The following LRBA variants were observed in gnomAD, a reference collection of about 807,000 sequenced individuals.
LRBA encodes lipopolysaccharide-responsive and beige-like anchor protein.
LRBA carries 176 observed loss-of-function variants against 330.0 expected under a neutral mutation model. The observed-to-expected ratio is 0.53, with a 90% confidence interval of 0.47 to 0.60. LRBA has a LOEUF of 0.60. Among genes scored for constraint, LRBA ranks in the 20% least tolerant of loss-of-function variants. The pLI is 0.00. For synonymous variants in LRBA, 1,230 were observed against 1,193.0 expected (o/e 1.03, Z -0.64); for missense variants, 3,259 against 3,444.8 (o/e 0.95, Z 1.35).
At chr4:150,668,283 G>A (rs1781741419) in intron 37 of LRBA, among the ~76,000 whole-genome samples, 1 of 152,304 alleles carries the variant, frequency 6.6e-6, no homozygotes, top group South Asian at 2.1e-4. Context: ...TGATGCCAAA[G>A]TAAACTATTC....
chr4:150,697,400 G>C (rs1307664050), intron 36 of LRBA, among the ~76,000 whole-genome samples: 1 of 136,698 alleles, frequency 7.3e-6, no homozygotes, highest in African/African-American at 2.7e-5. Context: ...TGTTCACCAA[G>C]AAGAAAGGGA....
At chr4:150,436,500 C>G (rs1345980210) in intron 45 of LRBA, among the ~76,000 whole-genome samples, 1 of 151,990 alleles carries the variant, frequency 6.6e-6, no homozygotes, top group Non-Finnish European at 1.5e-5. Context: ...AGACAGCAAG[C>G]ATCTGAAGGG....
chr4:150,422,684 A>G, intron 46 of LRBA: 1 of 694,450 alleles, frequency 1.4e-6, no homozygotes, highest in Admixed American at 2.1e-5. Context: ...CTAACAACTG[A>G]GACTGGCACT....
intron 28 of LRBA, among the ~76,000 whole-genome samples, chr4:150,835,276 T>C (rs142889162): frequency 1.9e-4 from 29 of 152,302 alleles, no homozygotes; most frequent in African/African-American, 6.7e-4. Flanking sequence ...TAAGATTACA[T>C]TGGAAATGCA....
At chr4:150,621,662 T>C (rs918157144) in intron 37 of LRBA, among the ~76,000 whole-genome samples, 3 of 152,212 alleles carry the variant, frequency 2.0e-5, no homozygotes, top group Non-Finnish European at 2.9e-5. Flanking sequence ...AAAAAATATA[T>C]TTCATTTTTA....
chr4:150,287,750 AC>A (rs1431307225), intron 53 of LRBA, among the ~76,000 whole-genome samples: 1 of 152,188 alleles, frequency 6.6e-6, no homozygotes, highest in Non-Finnish European at 1.5e-5. Flanking sequence ...AAAATAACAT[AC>A]AAAGAGGCAA....
intron 2 of LRBA, among the ~76,000 whole-genome samples, chr4:151,000,883 C>T (rs1035540261): frequency 2.6e-5 from 4 of 152,248 alleles, no homozygotes; most frequent in Admixed American, 6.5e-5. Context: ...ACAAGACAGC[C>T]TGCTCGGCTG....
chr4:150,639,131 C>A (rs1457966362), intron 37 of LRBA, among the ~76,000 whole-genome samples: 1 of 146,520 alleles, frequency 6.8e-6, no homozygotes, highest in Non-Finnish European at 1.5e-5. Flanking sequence ...CATATTCTCA[C>A]TCATAGGTGG....
chr4:150,722,082 C>G (rs1729011310), intron 36 of LRBA, among the ~76,000 whole-genome samples: 1 of 152,142 alleles, frequency 6.6e-6, no homozygotes, highest in Admixed American at 6.5e-5. Context: ...GCCTCATGCC[C>G]TTCCATTGCA....
At chr4:150,477,760 C>A (rs536370305) in intron 42 of LRBA, among the ~76,000 whole-genome samples, 1 of 151,770 alleles carries the variant, frequency 6.6e-6, no homozygotes, top group African/African-American at 2.4e-5. Flanking sequence ...TGTGACAACC[C>A]CCCTCCCCGC....
chr4:150,835,443 A>C (rs935916412), intron 28 of LRBA, among the ~76,000 whole-genome samples: 1 of 152,108 alleles, frequency 6.6e-6, no homozygotes. Flanking sequence ...ATGAGCATGG[A>C]ATGTTTTTCC....
rs1581043722 is a variant in LRBA, at chr4:150,335,494, T to C, written c.7363-9596A>G. ...ATATATACGTATATATGTGTGTGTA[T>C]ATATATATACACACACATATACGTA... On this transcript the variant is annotated intron_variant, in intron 48 of 56. Coordinates refer to ENST00000651943, the MANE Select transcript of LRBA (RefSeq NM_001364905.1). 3.0e-5 allele frequency among the ~76,000 whole-genome samples: 4 copies of C among 134,544 alleles called. No individual in the cohort carries two copies. In the East Asian group the frequency reaches 8.3e-4, roughly 28 times the overall value. The allele number at this position is 134,544 out of a possible 152,430, so 88.3% of individuals were successfully genotyped here.
chr4:150,457,761 CAG>C (rs1025799523), intron 44 of LRBA, among the ~76,000 whole-genome samples: 1 of 151,768 alleles, frequency 6.6e-6, no homozygotes, highest in African/African-American at 2.4e-5. Flanking sequence ...TGTAAATTCA[CAG>C]TAGATATTCC....
chr4:150,524,501 A>G (rs1385770864), intron 40 of LRBA, among the ~76,000 whole-genome samples: 1 of 152,286 alleles, frequency 6.6e-6, no homozygotes, highest in African/African-American at 2.4e-5. Flanking sequence ...GTTCTACCCA[A>G]TAGAAAATAA....
At chr4:150,976,740 A>G (rs1021163237) in intron 2 of LRBA, among the ~76,000 whole-genome samples, 12 of 152,330 alleles carry the variant, frequency 7.9e-5, no homozygotes, top group African/African-American at 2.9e-4. Flanking sequence ...GAAGGTAAGC[A>G]AGACAGTCTT....
chr4:150,373,057 C>A (rs1373850882), intron 47 of LRBA, among the ~76,000 whole-genome samples: 7 of 150,816 alleles, frequency 4.6e-5, no homozygotes, highest in Admixed American at 2.0e-4. Context: ...ATTTTGGAAG[C>A]AGATATTCCA....
intron 40 of LRBA, among the ~76,000 whole-genome samples, chr4:150,521,408 T>C (rs1234305676): frequency 6.6e-6 from 1 of 152,184 alleles, no homozygotes; most frequent in Non-Finnish European, 1.5e-5. Context: ...CTAATTTTGA[T>C]ATATTATCTT....
intron 40 of LRBA, among the ~76,000 whole-genome samples, chr4:150,555,756 A>ACACACAC (rs1767227376): frequency 7.6e-5 from 11 of 144,700 alleles, no homozygotes; most frequent in Non-Finnish European, 1.7e-4. Context: ...GTCTTATAAA[A>ACACACAC]ACACACACAC....
intron 40 of LRBA, among the ~76,000 whole-genome samples, chr4:150,556,371 T>C (rs564630431): frequency 1.3e-5 from 2 of 152,326 alleles, no homozygotes; most frequent in East Asian, 3.9e-4. Context: ...TATTCAAACA[T>C]TTGATTATAT....
Sources: gnomAD v4.1 joint callset for allele counts (sites outside exome capture counted in the v4.1 genomes callset) on GRCh38, gnomAD v4.1.1 for gene constraint, MANE v1.5 for transcripts, NCBI Gene and HGNC (gene_info 2026-07-23, HGNC 2026-07-21) for gene names.